Variants in SH3RF3 observed in about 807,000 individuals in gnomAD.
The protein encoded by SH3RF3 is SH3 domain containing ring finger 3, also known as E3 ubiquitin-protein ligase SH3RF3.
A neutral mutation model predicts 66.3 loss-of-function variants in SH3RF3; 29 were observed. The observed-to-expected ratio is 0.44, with a 90% CI of 0.33 to 0.60. The LOEUF (loss-of-function observed/expected upper bound fraction) is 0.60. SH3RF3 is among the 20% of genes least tolerant of loss of function. The pLI is 0.04. For missense variants in SH3RF3, 1,194 were observed against 1,190.9 expected (o/e 1.00, Z -0.04); for synonymous variants, 583 against 532.0 (o/e 1.10, Z -1.32).
chr2:109,337,565 G>A (rs1396916021), intron 1 of SH3RF3, among the ~76,000 whole-genome samples: 3 of 152,234 alleles, frequency 2.0e-5, no homozygotes, highest in Admixed American at 2.0e-4. Flanking sequence ...CAAGAGGTCT[G>A]TGGAGCTTCC....
At position 109,459,329 on chromosome 2, in the gene SH3RF3, G is replaced by A. The variant is rs139061847; in HGVS notation, c.2148+9840G>A. Among the ~76,000 whole-genome samples, 726 of 152,154 alleles carry A rather than the reference G, an allele frequency of 4.8e-3. 4 individuals carry two copies. The highest frequency in any genetic ancestry group is 0.017 in the African/African-American group (693 of 41,520). ...GTAGCTGTTCACATGGTCATGGCTG[G>A]TATTTATAATTACTTTGTCTACTAT... is the stretch of plus-strand genomic sequence containing the variant. On this transcript the variant is annotated intron_variant, in intron 8 of 9. Coordinates refer to ENST00000309415, the MANE Select transcript of SH3RF3 (RefSeq NM_001099289.3).
intron 8 of SH3RF3, among the ~76,000 whole-genome samples, chr2:109,473,799 C>A (rs546985322): frequency 3.3e-5 from 5 of 151,796 alleles, no homozygotes; most frequent in African/African-American, 9.7e-5. Context: ...CTGAGCCCCC[C>A]GTGCACAGCC....
At chr2:109,223,743 C>T (rs1459076393) in intron 1 of SH3RF3, among the ~76,000 whole-genome samples, 2 of 152,212 alleles carry the variant, frequency 1.3e-5, no homozygotes, top group Non-Finnish European at 2.9e-5. Context: ...CTTGCAGAGC[C>T]GTGGAGGACA....
chr2:109,492,826 C>T (rs541700787), intron 9 of SH3RF3, among the ~76,000 whole-genome samples: 3 of 152,180 alleles, frequency 2.0e-5, no homozygotes, highest in Non-Finnish European at 4.4e-5. Flanking sequence ...TTGTGGACAT[C>T]GTGGGACATG....
chr2:109,326,087 C>T (rs1345320736), intron 1 of SH3RF3, among the ~76,000 whole-genome samples: 1 of 152,220 alleles, frequency 6.6e-6, no homozygotes, highest in Non-Finnish European at 1.5e-5. Flanking sequence ...ACATTTTCTC[C>T]ACCATGGTAA....
intron 1 of SH3RF3, among the ~76,000 whole-genome samples, chr2:109,320,169 C>T (rs1270702921): frequency 6.6e-6 from 1 of 152,324 alleles, no homozygotes; most frequent in East Asian, 1.9e-4. Flanking sequence ...CCCCAGTTCT[C>T]ATGGCCGTCA....
chr2:109,190,331 G>A (rs905650089), intron 1 of SH3RF3, among the ~76,000 whole-genome samples: 4 of 152,166 alleles, frequency 2.6e-5, no homozygotes, highest in African/African-American at 7.2e-5. Flanking sequence ...CTGCCACCAC[G>A]CCTGGCTAAT....
intron 8 of SH3RF3, among the ~76,000 whole-genome samples, chr2:109,451,098 G>A (rs1350778302): frequency 1.3e-5 from 2 of 152,238 alleles, no homozygotes; most frequent in African/African-American, 4.8e-5. Flanking sequence ...AGCACCTCCT[G>A]TGTTGTTCAG....
At chr2:109,291,491 T>C (rs931220457) in intron 1 of SH3RF3, among the ~76,000 whole-genome samples, 1 of 152,154 alleles carries the variant, frequency 6.6e-6, no homozygotes, top group African/African-American at 2.4e-5. Context: ...GCCAGGGGCC[T>C]TCGGGCACGT....
chr2:109,493,144 T>TA lies in SH3RF3; in HGVS notation c.2480+2208_2480+2209insA, dbSNP rs1679175417. Among the ~76,000 whole-genome samples the TA allele has an allele frequency of 2.0e-3, 223 of 111,494 alleles. 2 individuals carry two copies. The highest frequency in any genetic ancestry group is 7.0e-3 in the African/African-American group (214 of 30,670). The allele number at this position is 111,494 out of a possible 152,430, so 73.1% of individuals were successfully genotyped here. ...TATAAACACACATACCCCACATACA[T>TA]CATACAAAACACATACACCACACAT... is the stretch of plus-strand genomic sequence containing the variant. On this transcript the variant is annotated intron_variant, in intron 9 of 9. Transcript: ENST00000309415.
At chr2:109,459,032 T>C (rs1007376180) in intron 8 of SH3RF3, among the ~76,000 whole-genome samples, 5 of 152,134 alleles carry the variant, frequency 3.3e-5, no homozygotes, top group East Asian at 1.9e-4. Flanking sequence ...CTGCCTAATA[T>C]GATACAACAA....
At chr2:109,390,258 TC>T (rs1318381224) in intron 3 of SH3RF3, among the ~76,000 whole-genome samples, 1 of 152,194 alleles carries the variant, frequency 6.6e-6, no homozygotes, top group African/African-American at 2.4e-5. Context: ...CCAGTTTATC[TC>T]CTTTTAGGTT....
intron 1 of SH3RF3, among the ~76,000 whole-genome samples, chr2:109,284,060 A>C (rs1272354260): frequency 6.6e-6 from 1 of 151,536 alleles, no homozygotes; most frequent in Non-Finnish European, 1.5e-5. Flanking sequence ...ACTTGCTGTC[A>C]CCTCCCTTGT....
At chr2:109,138,644 G>A (rs1004044774) in intron 1 of SH3RF3, among the ~76,000 whole-genome samples, 2 of 152,218 alleles carry the variant, frequency 1.3e-5, no homozygotes, top group Admixed American at 6.5e-5. Context: ...GTGAGGAAGT[G>A]GGTCACTCTT....
intron 1 of SH3RF3, among the ~76,000 whole-genome samples, chr2:109,217,037 CT>C (rs1270291397): frequency 6.6e-6 from 1 of 152,174 alleles, no homozygotes; most frequent in Non-Finnish European, 1.5e-5. Flanking sequence ...AGTATTTATC[CT>C]TTTGTGTTGG....
chr2:109,348,686 A>G (rs1294024222), intron 2 of SH3RF3, among the ~76,000 whole-genome samples: 1 of 152,154 alleles, frequency 6.6e-6, no homozygotes. Flanking sequence ...TGTGTAAACC[A>G]AAGCTCTGAG....
At chr2:109,394,364 AG>A (rs1348940931) in intron 3 of SH3RF3, among the ~76,000 whole-genome samples, 3 of 152,154 alleles carry the variant, frequency 2.0e-5, no homozygotes, top group Non-Finnish European at 4.4e-5. Context: ...CCCATGGACA[AG>A]ACTGCACCAT....
intron 2 of SH3RF3, among the ~76,000 whole-genome samples, chr2:109,359,170 T>G (rs1204257250): frequency 6.6e-6 from 1 of 152,230 alleles, no homozygotes; most frequent in Middle Eastern, 3.2e-3. Context: ...CAGACTGTCT[T>G]CATTATTGTA....
At chr2:109,186,066 A>T (rs1678180143) in intron 1 of SH3RF3, among the ~76,000 whole-genome samples, 1 of 152,102 alleles carries the variant, frequency 6.6e-6, no homozygotes, top group Non-Finnish European at 1.5e-5. Context: ...CAGTGTCTTG[A>T]CTTGTGTTGT....
Sources: allele counts gnomAD v4.1 joint callset (sites outside exome capture counted in the v4.1 genomes callset), GRCh38; gene constraint gnomAD v4.1.1; transcripts MANE v1.5; gene names NCBI Gene and HGNC (gene_info 2026-07-23, HGNC 2026-07-21).